The following PRKAR2B variants were observed in gnomAD, a reference collection of about 807,000 sequenced individuals.
The protein encoded by PRKAR2B is cAMP-dependent protein kinase type II-beta regulatory subunit.
PRKAR2B carries 14 observed loss-of-function variants against 49.9 expected under a neutral mutation model. That is an observed-to-expected ratio of 0.28 (90% CI 0.19 to 0.44). The LOEUF is 0.44. PRKAR2B is among the 20% of genes least tolerant of loss of function. The pLI, the probability that PRKAR2B is intolerant of heterozygous loss-of-function variation, is 1.00. For missense variants in PRKAR2B, 393 were observed against 537.9 expected (o/e 0.73, Z 2.67); for synonymous variants, 196 against 197.7 (o/e 0.99, Z 0.07).
intron 1 of PRKAR2B, 108 bp from the exon 2 acceptor site, chr7:107,070,172 AT>A (rs1304375217): frequency 1.5e-6 from 1 of 668,184 alleles, no homozygotes; most frequent in Non-Finnish European, 2.5e-6. Context: ...TTATTTATTC[AT>A]CTTTTTCTTT....
Position 107,146,418 on chromosome 7 carries a change from C to T in PRKAR2B, c.698C>T (p.Ala233Val). 1 of 1,614,164 alleles carries T rather than the reference C, an allele frequency of 6.2e-7. No homozygotes were observed. Among genetic ancestry groups the T allele is most frequent in the Non-Finnish European group, 8.5e-7 (1 of 1,180,002 alleles). Residue 233 changes from alanine (A) to valine (V), a missense_variant, in exon 6 of 11, where the codon GCA (alanine) becomes GTA (valine). Coordinates refer to ENST00000265717, the MANE Select transcript of PRKAR2B (RefSeq NM_002736.3). ...ELALMYNTPR[A>V]ATITATSPGA... ...GCCTTAATGTACAATACACCCAGAG[C>T]AGCTACAATCACTGCTACCTCTCCT...
intron 3 of PRKAR2B, among the ~76,000 whole-genome samples, chr7:107,127,025 A>G (rs1443858050): frequency 6.6e-6 from 1 of 152,250 alleles, no homozygotes; most frequent in Non-Finnish European, 1.5e-5. Flanking sequence ...TAGTTTACAT[A>G]TAAATAGTTT....
intron 4 of PRKAR2B, among the ~76,000 whole-genome samples, chr7:107,132,831 T>C (rs1795627098): frequency 6.6e-6 from 1 of 152,192 alleles, no homozygotes; most frequent in Non-Finnish European, 1.5e-5. Flanking sequence ...CTTCCTAGAC[T>C]TCAGAAAATT....
intron 2 of PRKAR2B, chr7:107,078,361 C>G (rs1794447277): frequency 6.6e-6 from 1 of 152,244 alleles, no homozygotes; most frequent in South Asian, 2.1e-4. Flanking sequence ...CGAGAGGTGT[C>G]AGTCTTGAGC....
At chr7:107,108,901 G>C (rs1795123747) in intron 2 of PRKAR2B, among the ~76,000 whole-genome samples, 1 of 152,206 alleles carries the variant, frequency 6.6e-6, no homozygotes, top group Non-Finnish European at 1.5e-5. Flanking sequence ...AACAATTCAA[G>C]AAAAGCAAGT....
intron 2 of PRKAR2B, among the ~76,000 whole-genome samples, chr7:107,100,470 A>G (rs1391778973): frequency 6.6e-6 from 1 of 152,162 alleles, no homozygotes; most frequent in East Asian, 1.9e-4. Flanking sequence ...GTGTGTGGGT[A>G]TGGATTTCAT....
chr7:107,066,301 G>GGGGTGTGT lies in PRKAR2B; in HGVS notation c.308-3979_308-3978insGGTGTGTG, dbSNP rs147673007. 1.7e-3 allele frequency among the ~76,000 whole-genome samples: 247 copies of GGGGTGTGT among 145,604 alleles called. 4 individuals are homozygous for GGGGTGTGT. The highest frequency in any genetic ancestry group is 2.0e-3 in the Non-Finnish European group (134 of 66,510). On this transcript the variant is annotated intron_variant, in intron 1 of 10. Coordinates refer to ENST00000265717, the MANE Select transcript of PRKAR2B (RefSeq NM_002736.3). ...AGTCTCTAGTTTTCTCTCTATGTGGGGTGTGTGTGTGTGTGTGTGTGTGTG... is the reference window on the plus strand; with the variant it reads ...AGTCTCTAGTTTTCTCTCTATGTGGGGGGTGTGTGTGTGTGTGTGTGTGTGTGTGTGTG...
Position 107,090,123 on chromosome 7 carries a change from G to T in PRKAR2B, c.343+19807G>T, listed in dbSNP as rs545857242. 4.6e-5 allele frequency among the ~76,000 whole-genome samples: 7 copies of T among 152,274 alleles called. No homozygotes were observed. In the East Asian group the frequency reaches 1.3e-3, roughly 29 times the overall value. Reference sequence around the variant, plus strand: ...TTTAATTCAATCAAGTGAAAAGGGGGTTTATTGAGATGGCAGGGGTGTGGT... The same window carrying T: ...TTTAATTCAATCAAGTGAAAAGGGGTTTTATTGAGATGGCAGGGGTGTGGT... On this transcript the variant is annotated intron_variant, in intron 2 of 10. Transcript: ENST00000265717.
At chr7:107,139,148 C>G (rs576844211) in intron 4 of PRKAR2B, among the ~76,000 whole-genome samples, 1 of 152,096 alleles carries the variant, frequency 6.6e-6, no homozygotes, top group African/African-American at 2.4e-5. Context: ...CCTGAAATAT[C>G]TATCTCATGT....
intron 1 of PRKAR2B, chr7:107,066,595 G>GTACC (rs897335447): frequency 6.6e-6 from 1 of 152,078 alleles, no homozygotes; most frequent in Non-Finnish European, 1.5e-5. Flanking sequence ...TTGAGATGGA[G>GTACC]TACCGCTCTG....
At chr7:107,047,518 C>T (rs1423393463) in intron 1 of PRKAR2B, among the ~76,000 whole-genome samples, 2 of 149,558 alleles carry the variant, frequency 1.3e-5, no homozygotes, top group Non-Finnish European at 3.0e-5. Context: ...CATAGCTTGC[C>T]GACCCCTGGT....
chr7:107,058,755 T>A (rs1343822547), intron 1 of PRKAR2B, among the ~76,000 whole-genome samples: 1 of 152,246 alleles, frequency 6.6e-6, no homozygotes, highest in Non-Finnish European at 1.5e-5. Flanking sequence ...AAAAATATTT[T>A]AGGAGCACAT....
intron 2 of PRKAR2B, among the ~76,000 whole-genome samples, chr7:107,076,602 G>T (rs1199870540): frequency 2.0e-5 from 3 of 152,042 alleles, no homozygotes; most frequent in African/African-American, 7.2e-5. Flanking sequence ...TGCTTTCAAG[G>T]ACTACTTGAA....
intron 1 of PRKAR2B, among the ~76,000 whole-genome samples, chr7:107,063,962 G>A (rs1423477387): frequency 2.0e-5 from 3 of 152,120 alleles, no homozygotes; most frequent in African/African-American, 7.2e-5. Context: ...GAATCTGACC[G>A]TACAGACTTA....
At chr7:107,055,152 T>C (rs1455145654) in intron 1 of PRKAR2B, among the ~76,000 whole-genome samples, 1 of 152,232 alleles carries the variant, frequency 6.6e-6, no homozygotes, top group Admixed American at 6.5e-5. Context: ...TGATCCTTTT[T>C]TATGGCTGCA....
intron 4 of PRKAR2B, among the ~76,000 whole-genome samples, chr7:107,131,320 C>T (rs1362846322): frequency 6.6e-6 from 1 of 152,186 alleles, no homozygotes; most frequent in African/African-American, 2.4e-5. Flanking sequence ...ATTAATTGAT[C>T]TTCCTTGCCA....
At chr7:107,110,184 T>C (rs766675422) in intron 2 of PRKAR2B, among the ~76,000 whole-genome samples, 4 of 152,100 alleles carry the variant, frequency 2.6e-5, no homozygotes, top group Admixed American at 6.6e-5. Context: ...AAAAGCAAAC[T>C]AACTCAGCTG....
intron 2 of PRKAR2B, among the ~76,000 whole-genome samples, chr7:107,105,584 C>T (rs1376006106): frequency 6.6e-6 from 1 of 152,210 alleles, no homozygotes; most frequent in East Asian, 1.9e-4. Context: ...TTGCCTGCTA[C>T]ATCAAGGGCT....
chr7:107,149,409 G>T (rs896628853), intron 6 of PRKAR2B, among the ~76,000 whole-genome samples: 3 of 152,092 alleles, frequency 2.0e-5, no homozygotes, highest in Non-Finnish European at 2.9e-5. Flanking sequence ...TGGTCTGGAC[G>T]CTGAGAAGTC....
Sources: allele counts gnomAD v4.1 joint callset (sites outside exome capture counted in the v4.1 genomes callset), GRCh38; gene constraint gnomAD v4.1.1; transcripts MANE v1.5; gene names NCBI Gene and HGNC (gene_info 2026-07-23, HGNC 2026-07-21).